The following BIRC6 variants were observed in gnomAD, a reference collection of about 807,000 sequenced individuals.
BIRC6 encodes the protein dual E2 ubiquitin-conjugating enzyme/E3 ubiquitin-protein ligase BIRC6.
BIRC6 carries 98 observed loss-of-function variants against 503.3 expected under a neutral mutation model. The observed-to-expected ratio is 0.19, with a 90% CI of 0.17 to 0.23. The LOEUF is 0.23. Ranked by LOEUF, BIRC6 falls within the 10% of genes least tolerant of loss-of-function variation. BIRC6 has a pLI of 1.00. For synonymous variants in BIRC6, 2,240 were observed against 2,078.7 expected, an observed-to-expected ratio of 1.08 and a Z score of -2.11; for missense variants, 5,360 against 5,806.0, an observed-to-expected ratio of 0.92 and a Z score of 2.50.
chr2:32,370,034 A>G (rs931037110), intron 1 of BIRC6, among the ~76,000 whole-genome samples: 1 of 142,644 alleles, frequency 7.0e-6, no homozygotes, highest in Non-Finnish European at 1.5e-5. Context: ...ATGTATATAT[A>G]TGTATGTATA....
intron 65 of BIRC6, chr2:32,565,104 G>T (rs532312010): frequency 6.6e-6 from 1 of 152,320 alleles, no homozygotes; most frequent in East Asian, 1.9e-4. Context: ...TTTCACTGGG[G>T]ATCTGATCTG....
chr2:32,607,406 C>A, intron 71 of BIRC6, 49 bp from the exon 72 acceptor site: 1 of 1,298,904 alleles, frequency 7.7e-7, no homozygotes, highest in Non-Finnish European at 1.0e-6. Context: ...ATCAGTTAAC[C>A]CACAGTAAAA....
chr2:32,374,663 G>A (rs898411810), intron 1 of BIRC6, among the ~76,000 whole-genome samples: 1 of 151,792 alleles, frequency 6.6e-6, no homozygotes, highest in East Asian at 1.9e-4. Flanking sequence ...TAGTAGAGAC[G>A]GGGTTTCACT....
rs749601862 is a variant in BIRC6 at position 32,500,108 on chromosome 2, T to C, written c.9030T>C (p.Ile3010=). ...LCNSSAMAMI[I]GASGLHLTKH... ...ATAGCAGTGCCATGGCAATGATAATTGGTATGTATTGAGAATATTAATCTT... is the reference window on the plus strand; with the variant it reads ...ATAGCAGTGCCATGGCAATGATAATCGGTATGTATTGAGAATATTAATCTT... Residue 3010 remains isoleucine (I), a splice_region_variant and synonymous_variant, in exon 46 of 74, where the codon ATT becomes ATC. Transcript: ENST00000421745. 1 of 1,599,506 alleles carries C rather than the reference T, an allele frequency of 6.3e-7. No individual in the cohort carries two copies. The highest frequency in any genetic ancestry group is 2.2e-5 in the East Asian group (1 of 44,804).
chr2:32,466,846 G>A (rs1433189076), intron 26 of BIRC6, among the ~76,000 whole-genome samples: 4 of 152,036 alleles, frequency 2.6e-5, no homozygotes, highest in Non-Finnish European at 5.9e-5. Context: ...GTGGCTAGGT[G>A]CGGTGGCTCA....
intron 51 of BIRC6, among the ~76,000 whole-genome samples, chr2:32,509,518 G>C (rs1452076175): frequency 1.3e-5 from 2 of 152,110 alleles, no homozygotes; most frequent in African/African-American, 4.8e-5. Context: ...CTCCCAAAGT[G>C]CTGAGATTAC....
At chr2:32,473,077 C>G in intron 32 of BIRC6, 35 bp from the exon 33 acceptor site, 1 of 1,511,354 alleles carries the variant, frequency 6.6e-7, no homozygotes. Flanking sequence ...TCACATTTAA[C>G]AGAATTATTA....
intron 65 of BIRC6, among the ~76,000 whole-genome samples, chr2:32,573,770 T>G (rs1169134005): frequency 6.6e-6 from 1 of 152,354 alleles, no homozygotes; most frequent in South Asian, 2.1e-4. Flanking sequence ...AGAAAGTTGA[T>G]TTATTGAAAT....
chr2:32,419,122 G>C (rs777345637), intron 10 of BIRC6, among the ~76,000 whole-genome samples: 109 of 152,092 alleles, frequency 7.2e-4, no homozygotes, highest in Non-Finnish European at 1.4e-3. Flanking sequence ...AATTCTTCAG[G>C]GATTGACTGA....
At chr2:32,525,739 A>G in intron 59 of BIRC6, 111 bp downstream of exon 59, 1 of 1,004,114 alleles carries the variant, frequency 1.0e-6, no homozygotes, top group Non-Finnish European at 1.4e-6. Flanking sequence ...TGATGAGATC[A>G]GTGAGTTAGT....
chr2:32,588,794 A>T (rs947170901), intron 66 of BIRC6, among the ~76,000 whole-genome samples: 1 of 152,230 alleles, frequency 6.6e-6, no homozygotes, highest in Non-Finnish European at 1.5e-5. Flanking sequence ...CTGTACATAC[A>T]TATTGTTTTT....
chr2:32,463,713 G>T (rs534873652), intron 24 of BIRC6, among the ~76,000 whole-genome samples: 1 of 152,148 alleles, frequency 6.6e-6, no homozygotes, highest in Non-Finnish European at 1.5e-5. Context: ...AAATTTTATA[G>T]AACAGTTAAA....
chr2:32,436,258 C>A (rs762211235), intron 15 of BIRC6, 74 bp downstream of exon 15: 16 of 1,214,086 alleles, frequency 1.3e-5, no homozygotes, highest in East Asian at 3.0e-5. Context: ...AAACTGATCT[C>A]AAAAAAAATA....
intron 65 of BIRC6, among the ~76,000 whole-genome samples, chr2:32,550,004 A>G (rs1335175551): frequency 6.6e-6 from 1 of 152,182 alleles, no homozygotes; most frequent in Non-Finnish European, 1.5e-5. Context: ...AATATAGTTT[A>G]TTATTTCCTT....
At chr2:32,367,878 A>T (rs1018874490) in intron 1 of BIRC6, among the ~76,000 whole-genome samples, 1 of 152,172 alleles carries the variant, frequency 6.6e-6, no homozygotes, top group Non-Finnish European at 1.5e-5. Flanking sequence ...TAAATCAGGG[A>T]TGCATCTTAG....
Position 32,531,349 on chromosome 2 carries a change from G to A in BIRC6, c.12095-6G>A, listed in dbSNP as rs369901225. ...CCTATTCAGTTATTTGTAATTTATTGTCTAGATCATGGAGACTTACTTGCT... is the reference window on the plus strand; with the variant it reads ...CCTATTCAGTTATTTGTAATTTATTATCTAGATCATGGAGACTTACTTGCT... On this transcript the variant is annotated splice_region_variant and splice_polypyrimidine_tract_variant and intron_variant, in intron 60 of 73. Coordinates refer to ENST00000421745, the MANE Select transcript of BIRC6 (RefSeq NM_016252.4). 3.1e-6 allele frequency: 5 copies of A among 1,603,744 alleles called. No homozygotes were observed. The highest frequency in any genetic ancestry group is 1.3e-5 in the African/African-American group (1 of 74,550).
chr2:32,518,216 A>G (rs769709678), intron 55 of BIRC6, 38 bp from the exon 56 acceptor site: 7 of 1,575,196 alleles, frequency 4.4e-6, no homozygotes, highest in Middle Eastern at 1.7e-4. Flanking sequence ...CTGCATATAA[A>G]TCTTGCATTT....
chr2:32,470,887 ATTAGTG>A, intron 31 of BIRC6, 121 bp from the exon 32 acceptor site: 2 of 918,414 alleles, frequency 2.2e-6, no homozygotes, highest in Non-Finnish European at 3.2e-6. Context: ...ACATATAAAT[ATTAGTG>A]TTAGTAATGA....
chr2:32,399,798 A>AT (rs1414193232), intron 6 of BIRC6, among the ~76,000 whole-genome samples: 1 of 151,124 alleles, frequency 6.6e-6, no homozygotes, highest in Non-Finnish European at 1.5e-5. Context: ...TAAATTTTTT[A>AT]TTTTTTAGAG....
Sources: gnomAD v4.1 joint callset for allele counts (sites outside exome capture counted in the v4.1 genomes callset) on GRCh38, gnomAD v4.1.1 for gene constraint, MANE v1.5 for transcripts, NCBI Gene and HGNC (gene_info 2026-07-23, HGNC 2026-07-21) for gene names.